The following TKTL1 variants were observed in gnomAD, a reference collection of about 807,000 sequenced individuals.
The protein encoded by TKTL1 is transketolase like 1, also known as transketolase-like protein 1.
A neutral mutation model predicts 39.3 loss-of-function variants in TKTL1; 1 was observed. The observed-to-expected ratio is 0.03, with a 90% CI of 0.01 to 0.12. The LOEUF is 0.12. Among genes scored for constraint, TKTL1 ranks in the 10% least tolerant of loss-of-function variants. TKTL1 has a pLI of 1.00. For missense variants in TKTL1, 575 were observed against 509.6 expected (o/e 1.13, Z -1.24); for synonymous variants, 262 against 193.8 (o/e 1.35, Z -2.92).
chrX:154,312,553 G>T, intron 5 of TKTL1, 27 bp from the exon 6 acceptor site: 2 of 1,189,071 alleles, frequency 1.7e-6, no homozygotes, highest in East Asian at 3.0e-5. Flanking sequence ...TTTATGGAAT[G>T]GATGTCTTTT....
At chrX:154,301,510 G>C (rs2067273068) in intron 1 of TKTL1, among the ~76,000 whole-genome samples, 1 of 112,057 alleles carries the variant, frequency 8.9e-6, no homozygotes, top group South Asian at 3.7e-4. Flanking sequence ...GAGTGAGACT[G>C]TGTCTCAAAA....
At chrX:154,312,918 G>A (rs782690350) in intron 6 of TKTL1, 145 bp downstream of exon 6, 30 of 572,252 alleles carry the variant, frequency 5.2e-5, no homozygotes, top group Non-Finnish European at 7.4e-5. Flanking sequence ...CTAACAGTTC[G>A]TAGGCAATAA....
chrX:154,306,793 C>T (rs1474605152), intron 2 of TKTL1, among the ~76,000 whole-genome samples: 1 of 109,312 alleles, frequency 9.1e-6, no homozygotes, highest in African/African-American at 3.3e-5. Context: ...TGTGCCACTA[C>T]GACCGGCTAA....
intron 9 of TKTL1, among the ~76,000 whole-genome samples, chrX:154,324,318 G>C (rs181585464): frequency 9.8e-4 from 109 of 111,285 alleles, no homozygotes; most frequent in Non-Finnish European, 1.8e-3. Flanking sequence ...TTGTATTTTT[G>C]GGGAGAGACA....
At chrX:154,300,497 A>G (rs1472132126) in intron 1 of TKTL1, among the ~76,000 whole-genome samples, 4 of 111,758 alleles carry the variant, frequency 3.6e-5, no homozygotes, top group Non-Finnish European at 7.5e-5. Context: ...TTGGTTAAGT[A>G]TATTCCTAGG....
intron 2 of TKTL1, among the ~76,000 whole-genome samples, chrX:154,307,390 A>C (rs2067323363): frequency 8.9e-6 from 1 of 112,091 alleles, no homozygotes; most frequent in Non-Finnish European, 1.9e-5. Flanking sequence ...AAGAGAAAAC[A>C]CATGAAGCAT....
Position 154,325,333 on chromosome X carries a change from C to A in TKTL1, c.1318-6C>A. The stretch of plus-strand genomic sequence containing the variant: ...TTTCTAAACCATGGCTCCATTTATG[C>A]CCTAGGGGATGTGCTTCATTCGGAC... On this transcript the variant is annotated splice_polypyrimidine_tract_variant and splice_region_variant and intron_variant, in intron 9 of 12. Transcript: ENST00000369915. The A allele has an allele frequency of 8.3e-7, 1 of 1,206,527 alleles. No homozygotes were observed. Among genetic ancestry groups the A allele is most frequent in the Non-Finnish European group, 1.1e-6 (1 of 890,542 alleles).
At chrX:154,318,739 C>T (rs1487459696) in intron 7 of TKTL1, among the ~76,000 whole-genome samples, 5 of 105,863 alleles carry the variant, frequency 4.7e-5, no homozygotes, top group Non-Finnish European at 7.8e-5. Flanking sequence ...AGTTCAAGAC[C>T]AGCCTGAACA....
At chrX:154,306,510 G>A (rs782185484) in intron 2 of TKTL1, among the ~76,000 whole-genome samples, 3 of 112,259 alleles carry the variant, frequency 2.7e-5, no homozygotes, top group Non-Finnish European at 5.6e-5. Flanking sequence ...GCGCATGTGT[G>A]GAGAGAGGGA....
intron 1 of TKTL1, among the ~76,000 whole-genome samples, chrX:154,302,543 T>C (rs2067282044): frequency 1.8e-5 from 2 of 111,033 alleles, no homozygotes; most frequent in Admixed American, 9.6e-5. Context: ...GCTGATCCCA[T>C]TCATGAGGGC....
intron 2 of TKTL1, among the ~76,000 whole-genome samples, chrX:154,308,542 G>A (rs1461296891): frequency 8.9e-6 from 1 of 112,162 alleles, no homozygotes; most frequent in Non-Finnish European, 1.9e-5. Context: ...GAGAATGGCT[G>A]TGGGGGAGGC....
intron 7 of TKTL1, among the ~76,000 whole-genome samples, chrX:154,317,197 T>C (rs2067407817): frequency 1.8e-5 from 2 of 112,249 alleles, no homozygotes; most frequent in Admixed American, 1.9e-4. Context: ...GTCTACTCCG[T>C]CCCTGCTGAT....
Position 154,295,820 on chromosome X carries a change from A to ACGTAGGAGTGGGTCTT in TKTL1, c.-38_-23dup. ...GCCATTCGCTCTTCAGACGCCGGAG[A>ACGTAGGAGTGGGTCTT]CGTAGGAGTGGGTCTTCAGACTCCA... On this transcript the variant is annotated 5_prime_UTR_variant, in exon 1 of 13. Transcript: ENST00000369915. 1 of 1,196,541 alleles carries ACGTAGGAGTGGGTCTT rather than the reference A, an allele frequency of 8.4e-7. No homozygotes were observed. Among genetic ancestry groups the ACGTAGGAGTGGGTCTT allele is most frequent in the Non-Finnish European group, 1.1e-6 (1 of 886,847 alleles).
chrX:154,305,203 C>A (rs896658749), intron 1 of TKTL1, 101 bp from the exon 2 acceptor site: 2 of 1,178,788 alleles, frequency 1.7e-6, no homozygotes, highest in Admixed American at 2.3e-5. Flanking sequence ...TCTTCCCGGG[C>A]TGGGAGAAAT....
intron 5 of TKTL1, 135 bp downstream of exon 5, chrX:154,311,373 G>A: frequency 1.1e-6 from 1 of 883,285 alleles, no homozygotes; most frequent in South Asian, 2.4e-5. Flanking sequence ...AGTATATGTT[G>A]GAGGCTCCTG....
At chrX:154,306,688 G>A (rs782416346) in intron 2 of TKTL1, among the ~76,000 whole-genome samples, 1 of 110,458 alleles carries the variant, frequency 9.1e-6, no homozygotes, top group South Asian at 3.8e-4. Context: ...CCAGGCTTGA[G>A]TGCAGTGGCT....
At chrX:154,321,040 G>GAAAAAAAAAAA in intron 8 of TKTL1, 127 bp downstream of exon 8, 1 of 815,468 alleles carries the variant, frequency 1.2e-6, no homozygotes, top group African/African-American at 2.1e-5. Context: ...CCTTTTTCTT[G>GAAAAAAAAAAA]AAAAAGCCAT....
chrX:154,312,369 C>A (rs143164616), intron 5 of TKTL1, among the ~76,000 whole-genome samples: 3,530 of 111,720 alleles, frequency 0.032, 140 homozygotes, highest in African/African-American at 0.11. Context: ...GGAGTCATAG[C>A]GTGAGACCCC....
At chrX:154,306,697 C>T (rs974498474) in intron 2 of TKTL1, among the ~76,000 whole-genome samples, 11 of 110,214 alleles carry the variant, frequency 1.0e-4, no homozygotes, top group African/African-American at 3.6e-4. Flanking sequence ...AGTGCAGTGG[C>T]TCGGTCTCAG....
Sources: gnomAD v4.1 joint callset for allele counts (sites outside exome capture counted in the v4.1 genomes callset) on GRCh38, gnomAD v4.1.1 for gene constraint, MANE v1.5 for transcripts, NCBI Gene and HGNC (gene_info 2026-07-23, HGNC 2026-07-21) for gene names.